The following KIAA0319L variants were observed in gnomAD, a reference collection of about 807,000 sequenced individuals.
The protein encoded by KIAA0319L is KIAA0319 like.
KIAA0319L carries 55 observed loss-of-function variants against 120.1 expected under a neutral mutation model. The observed-to-expected ratio is 0.46, with a 90% CI of 0.37 to 0.57. The LOEUF (loss-of-function observed/expected upper bound fraction) is 0.57. Among genes scored for constraint, KIAA0319L ranks in the 20% least tolerant of loss-of-function variants. The pLI is 0.00. For synonymous variants in KIAA0319L, 398 were observed against 471.9 expected, an observed-to-expected ratio of 0.84 and a Z score of 2.03; for missense variants, 1,049 against 1,255.3, an observed-to-expected ratio of 0.84 and a Z score of 2.48.
At chr1:35,485,642 T>C (rs1341918725) in intron 3 of KIAA0319L, among the ~76,000 whole-genome samples, 1 of 152,230 alleles carries the variant, frequency 6.6e-6, no homozygotes, top group Non-Finnish European at 1.5e-5. Context: ...GTCCACCATC[T>C]ACTCCAACAG....
intron 3 of KIAA0319L, among the ~76,000 whole-genome samples, chr1:35,501,146 C>G (rs1644990002): frequency 6.6e-6 from 1 of 152,250 alleles, no homozygotes; most frequent in African/African-American, 2.4e-5. Context: ...CAATTTCTTG[C>G]CACTGCCCAC....
chr1:35,474,253 A>T (rs1473668700), intron 5 of KIAA0319L, among the ~76,000 whole-genome samples: 1 of 152,172 alleles, frequency 6.6e-6, no homozygotes, highest in African/African-American at 2.4e-5. Context: ...CTTGGGTTCA[A>T]ATCTCAGCTG....
Position 35,450,409 on chromosome 1 carries a change from C to G in KIAA0319L, c.2163G>C (p.Lys721Asn), listed in dbSNP as rs772229328. The G allele has an allele frequency of 5.6e-6, 9 of 1,614,046 alleles. No homozygotes were observed. Among genetic ancestry groups the G allele is most frequent in the Non-Finnish European group, 7.6e-6 (9 of 1,180,006 alleles). ...GAGTCCAGAGGTAGCTGACTATTCCCTTGTCATCTGAGGACTTAGAGCCAT... is the reference window on the plus strand; with the variant it reads ...GAGTCCAGAGGTAGCTGACTATTCCGTTGTCATCTGAGGACTTAGAGCCAT... ...ELDGSKSSDD[K>N]GIVSYLWTRD... The change falls in exon 14 of 21, where the codon AAG becomes AAC. Residue 721 changes from lysine (K) to asparagine (N), a missense_variant. Lys to Asn is a moderately conservative substitution (Grantham distance 94). Coordinates refer to ENST00000325722, the MANE Select transcript of KIAA0319L (RefSeq NM_024874.5).
chr1:35,442,595 C>T (rs1028553839), intron 18 of KIAA0319L, among the ~76,000 whole-genome samples: 2 of 152,184 alleles, frequency 1.3e-5, no homozygotes, highest in African/African-American at 2.4e-5. Context: ...AAGAGGGAAA[C>T]GAGGGCTTCC....
At chr1:35,444,409 G>C (rs903287023) in intron 16 of KIAA0319L, 106 bp from the exon 17 acceptor site, 3 of 1,085,104 alleles carry the variant, frequency 2.8e-6, no homozygotes, top group Non-Finnish European at 3.8e-6. Flanking sequence ...TGTGCTAAGT[G>C]TTACATGCAT....
At position 35,443,672 on chromosome 1, in the gene KIAA0319L, CAAAATAAATAAA is replaced by C. The variant is rs1250329175; in HGVS notation, c.2656+477_2656+488del. Among the ~76,000 whole-genome samples, 10 of 143,442 alleles carry C rather than the reference CAAAATAAATAAA, an allele frequency of 7.0e-5. No homozygotes were observed. The East Asian group carries it at 2.0e-3, about 29-fold the overall frequency. The allele number at this position is 143,442 out of a possible 152,430, so 94.1% of individuals were successfully genotyped here. A position where few individuals can be genotyped will look rare whatever the true frequency, so the allele number is the denominator to read the frequency against. On this transcript the variant is annotated intron_variant, in intron 17 of 20. Transcript: ENST00000325722. ...TGGGCAACAGAGCAAGACTCTATCT[CAAAATAAATAAA>C]TAAATAAATAAATAAATAAATAAGC... is the stretch of plus-strand genomic sequence containing the variant.
chr1:35,522,532 C>A (rs181526394), intron 2 of KIAA0319L, among the ~76,000 whole-genome samples: 11 of 152,208 alleles, frequency 7.2e-5, no homozygotes, highest in Admixed American at 4.6e-4. Flanking sequence ...CCTTCCTTGG[C>A]CTCTCAAAGT....
rs1640575171 is a variant in KIAA0319L at position 35,433,657 on chromosome 1, T to C, written c.*1237A>G. The C allele has an allele frequency of 1.3e-5, 2 of 152,286 alleles. No individual in the cohort carries two copies. The highest frequency in any genetic ancestry group is 4.8e-5 in the African/African-American group (2 of 41,446). The allele number at this position is 152,286 out of a possible 1,614,324, so 9.4% of individuals were successfully genotyped here. On this transcript the variant is annotated 3_prime_UTR_variant, in exon 21 of 21. Coordinates refer to ENST00000325722, the MANE Select transcript of KIAA0319L (RefSeq NM_024874.5). ...TGAGGGGGACTCAGGAAGTCTTGGT[T>C]CCAAGGAGATGAAAGTCTTTCCAAG...
chr1:35,557,512 G>C, upstream of KIAA0319L: 1 of 364,428 alleles, frequency 2.7e-6, no homozygotes, highest in Admixed American at 3.5e-5. Flanking sequence ...GAGACCAAGG[G>C]GGAGGAGGGG....
chr1:35,479,013 G>A lies in KIAA0319L; in HGVS notation c.866C>T (p.Thr289Ile). The A allele has an allele frequency of 6.2e-7, 1 of 1,614,090 alleles. No homozygotes were observed. The highest frequency in any genetic ancestry group is 8.5e-7 in the Non-Finnish European group (1 of 1,179,980). ...QPVAPSYSYATPTPQASFQST... is the reference protein window; with the variant it reads ...QPVAPSYSYAIPTPQASFQST... ...CTGGAAAGAGGCCTGGGGGGTAGGG[G>A]TAGCATAACTGTAGGAGGGAGCCAC... Residue 289 changes from threonine to isoleucine, a missense_variant, in exon 4 of 21, where the codon ACC becomes ATC. Transcript: ENST00000325722.
At chr1:35,456,735 C>T (rs1470022889) in intron 9 of KIAA0319L, among the ~76,000 whole-genome samples, 3 of 151,484 alleles carry the variant, frequency 2.0e-5, no homozygotes, top group African/African-American at 4.9e-5. Context: ...TTCTTGAACC[C>T]GGGAGGCGGA....
At chr1:35,511,723 T>A (rs1018198539) in intron 2 of KIAA0319L, among the ~76,000 whole-genome samples, 1 of 152,202 alleles carries the variant, frequency 6.6e-6, no homozygotes. Context: ...TTTGTAAGGA[T>A]GTTCACTGTA....
intron 4 of KIAA0319L, among the ~76,000 whole-genome samples, chr1:35,475,988 A>G (rs962418874): frequency 6.6e-6 from 1 of 152,224 alleles, no homozygotes; most frequent in Non-Finnish European, 1.5e-5. Context: ...TTCTAAATAC[A>G]GCATTTTGTT....
chr1:35,515,730 A>G (rs1053772894), intron 2 of KIAA0319L, among the ~76,000 whole-genome samples: 4 of 152,296 alleles, frequency 2.6e-5, no homozygotes, highest in African/African-American at 9.6e-5. Flanking sequence ...GGAAATCAAG[A>G]CACAAAAAAA....
chr1:35,550,900 G>C (rs1256317576), intron 2 of KIAA0319L, among the ~76,000 whole-genome samples: 1 of 152,060 alleles, frequency 6.6e-6, no homozygotes, highest in Non-Finnish European at 1.5e-5. Flanking sequence ...AGACTGGATA[G>C]TATCCCACCA....
At chr1:35,469,396 C>T (rs1298240868) in intron 6 of KIAA0319L, among the ~76,000 whole-genome samples, 2 of 152,228 alleles carry the variant, frequency 1.3e-5, no homozygotes, top group African/African-American at 2.4e-5. Context: ...AAGATCTAAA[C>T]ATGTGTTTCT....
chr1:35,478,849 T>A, intron 4 of KIAA0319L, 117 bp downstream of exon 4: 5 of 1,259,186 alleles, frequency 4.0e-6, no homozygotes, highest in Non-Finnish European at 5.5e-6. Context: ...ACAGAGTTAT[T>A]TTTTCTCTAA....
At chr1:35,456,864 AAGGG>A (rs1306050824) in intron 9 of KIAA0319L, among the ~76,000 whole-genome samples, 4 of 131,082 alleles carry the variant, frequency 3.1e-5, no homozygotes, top group Non-Finnish European at 6.5e-5. Flanking sequence ...GGGAAGGAGG[AAGGG>A]AGGGAAGGAA....
chr1:35,517,416 A>G (rs959376510), intron 2 of KIAA0319L, among the ~76,000 whole-genome samples: 1 of 152,146 alleles, frequency 6.6e-6, no homozygotes, highest in Non-Finnish European at 1.5e-5. Flanking sequence ...CCACACACCT[A>G]CGAACATCTG....
Sources: allele counts gnomAD v4.1 joint callset (sites outside exome capture counted in the v4.1 genomes callset), GRCh38; gene constraint gnomAD v4.1.1; transcripts MANE v1.5; gene names NCBI Gene and HGNC (gene_info 2026-07-23, HGNC 2026-07-21).